The following CCDC88A variants were observed in gnomAD, a reference collection of about 807,000 sequenced individuals.
CCDC88A encodes the protein coiled-coil and HOOK domain protein 88A.
A neutral mutation model predicts 234.3 loss-of-function variants in CCDC88A; 54 were observed. The ratio of observed to expected loss-of-function variants is 0.23; its 90% CI spans 0.19 to 0.29. The LOEUF is 0.29. Ranked by LOEUF, CCDC88A falls within the 10% of genes least tolerant of loss-of-function variation. The pLI is 1.00. For synonymous variants in CCDC88A, 753 were observed against 737.8 expected, an observed-to-expected ratio of 1.02 and a Z score of -0.33; for missense variants, 1,832 against 2,123.4, an observed-to-expected ratio of 0.86 and a Z score of 2.70.
intron 31 of CCDC88A, chr2:55,294,752 A>C: frequency 1.0e-6 from 1 of 997,124 alleles, no homozygotes; most frequent in Non-Finnish European, 1.2e-6. Context: ...CAACTGTTTT[A>C]ACATGCTTCT....
At chr2:55,298,242 T>C (rs1433272759) in intron 29 of CCDC88A, among the ~76,000 whole-genome samples, 6 of 152,048 alleles carry the variant, frequency 3.9e-5, no homozygotes, top group African/African-American at 1.4e-4. Flanking sequence ...TGGCTCAAGT[T>C]ATGTAACATT....
intron 29 of CCDC88A, among the ~76,000 whole-genome samples, chr2:55,297,993 T>C (rs1199615318): frequency 2.0e-5 from 3 of 152,232 alleles, no homozygotes; most frequent in African/African-American, 7.2e-5. Context: ...TTGATCATCT[T>C]ATTGTTCTTG....
intron 25 of CCDC88A, among the ~76,000 whole-genome samples, chr2:55,305,901 C>G (rs1681500097): frequency 6.6e-6 from 1 of 151,742 alleles, no homozygotes; most frequent in Admixed American, 6.6e-5. Flanking sequence ...TTAAGTATAC[C>G]TATTACTATT....
intron 2 of CCDC88A, chr2:55,399,660 A>G (rs1303059604): frequency 3.9e-5 from 6 of 152,148 alleles, no homozygotes; most frequent in Admixed American, 2.6e-4. Flanking sequence ...AACATTTTTT[A>G]AGGACTTTTT....
intron 5 of CCDC88A, among the ~76,000 whole-genome samples, chr2:55,367,382 TA>T (rs1295492716): frequency 2.6e-5 from 4 of 152,088 alleles, no homozygotes; most frequent in African/African-American, 7.2e-5. Flanking sequence ...ACTATATACT[TA>T]AAAAATTGTT....
intron 8 of CCDC88A, among the ~76,000 whole-genome samples, chr2:55,350,940 T>C (rs1669795556): frequency 6.6e-6 from 1 of 152,128 alleles, no homozygotes; most frequent in Non-Finnish European, 1.5e-5. Flanking sequence ...GCATGAGCCA[T>C]GGTGCCCAGC....
chr2:55,419,476 A>C lies in CCDC88A; in HGVS notation c.-397T>G. 5.0e-6 allele frequency: 1 copy of C among 198,414 alleles called. No homozygotes were observed. Among genetic ancestry groups the C allele is most frequent in the Non-Finnish European group, 1.0e-5 (1 of 95,824 alleles). 12.3% of individuals were successfully genotyped at this position (198,414 alleles called of 1,614,324 possible). ...CAATGAATCAATCCCAACGGGGGCTAAATGAAATACGTTAAACAGAGACCA... is the reference window on the plus strand; with the variant it reads ...CAATGAATCAATCCCAACGGGGGCTCAATGAAATACGTTAAACAGAGACCA... On this transcript the variant is annotated 5_prime_UTR_variant, in exon 1 of 33. Transcript: ENST00000436346.
At chr2:55,396,051 C>T (rs972923333) in intron 2 of CCDC88A, among the ~76,000 whole-genome samples, 4 of 144,826 alleles carry the variant, frequency 2.8e-5, no homozygotes. Flanking sequence ...TTTATTTAGG[C>T]AATCCATTCT....
chr2:55,376,788 A>G (rs1432856904), intron 3 of CCDC88A, among the ~76,000 whole-genome samples: 1 of 152,190 alleles, frequency 6.6e-6, no homozygotes, highest in Non-Finnish European at 1.5e-5. Context: ...TGCTATAACT[A>G]TGTGTGTAAC....
rs533897994 is a variant in CCDC88A, at chr2:55,398,744, C to T, written c.165-9858G>A. On this transcript the variant is annotated intron_variant, in intron 2 of 32. Coordinates refer to ENST00000436346, the MANE Select transcript of CCDC88A (RefSeq NM_001365480.1). ...CCTGGGCAACACAGTGAAACCTCAT[C>T]TCCACAAAAAAATTTAAAAATGAGG... Among the ~76,000 whole-genome samples, 4 of 151,820 alleles carry T rather than the reference C, an allele frequency of 2.6e-5. No individual in the cohort carries two copies. In the East Asian group the frequency reaches 7.7e-4, roughly 29 times the overall value.
At position 55,339,563 on chromosome 2, in the gene CCDC88A, T is replaced by C. The variant is rs1668222249; in HGVS notation, c.1419A>G (p.Thr473=). 9.3e-6 allele frequency: 15 copies of C among 1,614,016 alleles called. No homozygotes were observed. Among genetic ancestry groups the C allele is most frequent in the Non-Finnish European group, 1.3e-5 (15 of 1,179,950 alleles). Residue 473 remains threonine (T), a synonymous_variant, in exon 13 of 33, where the codon ACA becomes ACG. Coordinates refer to ENST00000436346, the MANE Select transcript of CCDC88A (RefSeq NM_001365480.1). ...TAGTCCGAAGCTCTTCTACGGTTTT[T>C]GTCAAACTTTGATTTTCCATCTCTA... ...LKLEMENQSL[T]KTVEELRTTV...
At position 55,325,647 on chromosome 2, in the gene CCDC88A, AGCCCTTTATCTG is replaced by A. The variant is rs1335135429; in HGVS notation, c.2997+2635_2997+2646del. Among the ~76,000 whole-genome samples, 4 of 152,328 alleles carry A rather than the reference AGCCCTTTATCTG, an allele frequency of 2.6e-5. No homozygotes were observed. In the East Asian group the frequency reaches 7.7e-4, roughly 29 times the overall value. ...GATTAGTCTATAGGCTGTTTATAGA[AGCCCTTTATCTG>A]GTAGATGAAGTTCTTTCTACTTATT... is the stretch of plus-strand genomic sequence containing the variant. On this transcript the variant is annotated intron_variant, in intron 17 of 32. Transcript: ENST00000436346.
rs1458774245 is a variant in CCDC88A, at chr2:55,349,582, T to G, written c.818A>C (p.Gln273Pro). 1.2e-6 allele frequency: 2 copies of G among 1,611,900 alleles called. No homozygotes were observed. Among genetic ancestry groups the G allele is most frequent in the Non-Finnish European group, 8.5e-7 (1 of 1,178,994 alleles). Residue 273 changes from glutamine (Q) to proline (P), a missense_variant, in exon 9 of 33, where the codon CAG becomes CCG. Physicochemically the swap from Gln to Pro is moderately conservative, Grantham distance 76. Around this residue, in one of 6 missense-constraint regions of CCDC88A, gnomAD observed 1,282 missense variants for 1,543.6 expected, o/e 0.83. Transcript: ENST00000436346. The part of the protein sequence containing the change: ...LRQELEEKTE[Q>P]LLDCKQELEQ... Reference sequence around the variant, plus strand: ...AAGTTCTTGTTTACAATCCAACAACTGCTCAGTCTTTTCCTCCCTTAAATG... The same window carrying G: ...AAGTTCTTGTTTACAATCCAACAACGGCTCAGTCTTTTCCTCCCTTAAATG...
intron 12 of CCDC88A, among the ~76,000 whole-genome samples, chr2:55,341,045 G>C (rs1275776649): frequency 6.6e-6 from 1 of 151,006 alleles, no homozygotes; most frequent in Admixed American, 6.6e-5. Flanking sequence ...ATATAAATGA[G>C]ATCATGCACT....
At chr2:55,303,686 A>G (rs1231236872) in intron 25 of CCDC88A, among the ~76,000 whole-genome samples, 1 of 152,102 alleles carries the variant, frequency 6.6e-6, no homozygotes, top group East Asian at 1.9e-4. Context: ...CGGCCTGAGG[A>G]ACATATACTT....
At chr2:55,398,730 C>A (rs942475648) in intron 2 of CCDC88A, among the ~76,000 whole-genome samples, 5 of 152,032 alleles carry the variant, frequency 3.3e-5, no homozygotes, top group African/African-American at 1.2e-4. Flanking sequence ...CTGGGCAACA[C>A]AGTGAAACCT....
intron 9 of CCDC88A, 56 bp from the exon 10 acceptor site, chr2:55,346,389 C>A (rs1669109524): frequency 5.3e-6 from 5 of 948,182 alleles, no homozygotes; most frequent in African/African-American, 5.1e-5. Context: ...ACTTGTTATT[C>A]TTTGTTGCAC....
chr2:55,343,125 T>C (rs935981098), intron 12 of CCDC88A, among the ~76,000 whole-genome samples: 5 of 152,120 alleles, frequency 3.3e-5, no homozygotes, highest in Non-Finnish European at 5.9e-5. Flanking sequence ...GATCTTACAT[T>C]AGGTCCATAG....
At chr2:55,323,092 T>G (rs1211357802) in intron 17 of CCDC88A, 1 of 153,050 alleles carries the variant, frequency 6.5e-6, no homozygotes, top group Non-Finnish European at 1.5e-5. Context: ...GTATTCAGGA[T>G]TTTTTAGTTC....
Sources: gnomAD v4.1 joint callset for allele counts (sites outside exome capture counted in the v4.1 genomes callset) on GRCh38, gnomAD v4.1.1 for gene constraint, gnomAD v4.1.1 regional missense constraint, MANE v1.5 for transcripts, NCBI Gene and HGNC (gene_info 2026-07-23, HGNC 2026-07-21) for gene names.